The following LIMA1 variants were observed in gnomAD, a reference collection of about 807,000 sequenced individuals.
LIMA1 encodes LIM domain and actin-binding protein 1.
LIMA1 carries 52 observed loss-of-function variants against 62.6 expected under a neutral mutation model. That is an observed-to-expected ratio of 0.83 (90% CI 0.67 to 1.05). LIMA1 has a LOEUF of 1.05. Among genes scored for constraint, LIMA1 ranks in the 50% least tolerant of loss-of-function variants. The pLI is 0.00. For missense variants in LIMA1, 780 were observed against 902.2 expected, an observed-to-expected ratio of 0.86 and a Z score of 1.74; for synonymous variants, 302 against 317.8, an observed-to-expected ratio of 0.95 and a Z score of 0.53.
intron 9 of LIMA1, chr12:50,188,158 A>T (rs556347668): frequency 6.6e-6 from 1 of 152,286 alleles, no homozygotes; most frequent in Non-Finnish European, 1.5e-5. Flanking sequence ...TTGAATCTCT[A>T]CCTTAGATGT....
At chr12:50,259,006 C>T (rs1424757858) in intron 1 of LIMA1, among the ~76,000 whole-genome samples, 1 of 152,154 alleles carries the variant, frequency 6.6e-6, no homozygotes, top group Non-Finnish European at 1.5e-5. Flanking sequence ...TCTAGCATCA[C>T]AAGGTTCATT....
At chr12:50,207,629 C>T (rs1171684096) in intron 4 of LIMA1, among the ~76,000 whole-genome samples, 1 of 152,118 alleles carries the variant, frequency 6.6e-6, no homozygotes, top group Non-Finnish European at 1.5e-5. Flanking sequence ...TGGCTCACAC[C>T]TGTAAAACCA....
intron 1 of LIMA1, among the ~76,000 whole-genome samples, chr12:50,261,042 A>ATATTTTTTTTTTT (rs1383547189): frequency 7.6e-4 from 41 of 54,294 alleles, no homozygotes; most frequent in Admixed American, 2.3e-3. Context: ...CATCTAGTAT[A>ATATTTTTTTTTTT]TTTTTTTTTT....
chr12:50,270,047 C>T (rs1448814849), intron 1 of LIMA1, among the ~76,000 whole-genome samples: 2 of 145,068 alleles, frequency 1.4e-5, no homozygotes, highest in African/African-American at 5.1e-5. Context: ...CCAGCCTGAC[C>T]AACGTGGAGA....
chr12:50,277,443 T>A (rs1335659658), intron 1 of LIMA1, among the ~76,000 whole-genome samples: 2 of 152,156 alleles, frequency 1.3e-5, no homozygotes, highest in Non-Finnish European at 2.9e-5. Context: ...AATTCCAGAA[T>A]GTCTAGTGAA....
intron 1 of LIMA1, among the ~76,000 whole-genome samples, chr12:50,263,131 T>C (rs1358099347): frequency 6.6e-6 from 1 of 152,232 alleles, no homozygotes; most frequent in Admixed American, 6.5e-5. Flanking sequence ...TGAGTTATTC[T>C]CATTCTTTTT....
intron 3 of LIMA1, among the ~76,000 whole-genome samples, chr12:50,223,732 C>T (rs578252675): frequency 4.6e-5 from 7 of 151,996 alleles, no homozygotes; most frequent in South Asian, 4.2e-4. Flanking sequence ...AGAGGAAACA[C>T]GCTTGTTGAA....
intron 6 of LIMA1, chr12:50,201,539 G>A: frequency 1.8e-5 from 18 of 983,652 alleles, no homozygotes; most frequent in Non-Finnish European, 2.1e-5. Flanking sequence ...AAGGATAATT[G>A]CATTTTTTTC....
At chr12:50,217,848 T>C in intron 4 of LIMA1, 1 of 205,090 alleles carries the variant, frequency 4.9e-6, no homozygotes, top group South Asian at 7.2e-5. Flanking sequence ...ACTTCAGAAA[T>C]ATCGCTGACT....
At chr12:50,240,767 C>T (rs1188271473) in intron 2 of LIMA1, among the ~76,000 whole-genome samples, 1 of 152,162 alleles carries the variant, frequency 6.6e-6, no homozygotes, top group Non-Finnish European at 1.5e-5. Flanking sequence ...GCATTTAGAA[C>T]TTGCGTGCCC....
At chr12:50,215,165 T>C (rs1476532091) in intron 4 of LIMA1, among the ~76,000 whole-genome samples, 1 of 152,234 alleles carries the variant, frequency 6.6e-6, no homozygotes, top group Non-Finnish European at 1.5e-5. Flanking sequence ...TCAGCGCATA[T>C]ACACTCTTAT....
In LIMA1 at chr12:50,236,152, C is replaced by A. The variant is rs1429775176; in HGVS notation, c.120-4442G>T. Among the ~76,000 whole-genome samples, 11 of 151,754 alleles carry A rather than the reference C, an allele frequency of 7.2e-5. No homozygotes were observed. The South Asian group carries it at 2.1e-3, about 29-fold the overall frequency. On this transcript the variant is annotated intron_variant, in intron 2 of 10. Transcript: ENST00000341247. ...TGCACTCTGGCCTGGGTGACAGAGCCAGACTCCATCTCAAAAAAAACAAAA... is the reference window on the plus strand; with the variant it reads ...TGCACTCTGGCCTGGGTGACAGAGCAAGACTCCATCTCAAAAAAAACAAAA...
intron 1 of LIMA1, among the ~76,000 whole-genome samples, chr12:50,259,855 T>C (rs1942042901): frequency 6.6e-6 from 1 of 152,166 alleles, no homozygotes; most frequent in Non-Finnish European, 1.5e-5. Context: ...TAATATTTGA[T>C]CTCTTTATCG....
At chr12:50,243,937 C>T (rs1286580336) in intron 2 of LIMA1, among the ~76,000 whole-genome samples, 8 of 151,252 alleles carry the variant, frequency 5.3e-5, no homozygotes, top group African/African-American at 1.5e-4. Context: ...TTTTCTGAGA[C>T]GGAGTCTCAC....
chr12:50,233,901 A>G (rs753960070), intron 2 of LIMA1, among the ~76,000 whole-genome samples: 1 of 152,228 alleles, frequency 6.6e-6, no homozygotes, highest in African/African-American at 2.4e-5. Flanking sequence ...AGGAAAAATT[A>G]TTTTACATAT....
intron 5 of LIMA1, among the ~76,000 whole-genome samples, chr12:50,205,463 T>C (rs1941133980): frequency 6.6e-6 from 1 of 152,160 alleles, no homozygotes; most frequent in African/African-American, 2.4e-5. Context: ...AGGTAGCTGA[T>C]GTTTTCCTGT....
intron 2 of LIMA1, among the ~76,000 whole-genome samples, chr12:50,232,784 C>G (rs983019795): frequency 2.0e-5 from 3 of 152,164 alleles, no homozygotes; most frequent in Non-Finnish European, 4.4e-5. Flanking sequence ...GTCAGGAGTT[C>G]AAGACCAGCC....
intron 8 of LIMA1, among the ~76,000 whole-genome samples, chr12:50,194,735 C>G (rs1488598258): frequency 1.3e-5 from 2 of 151,982 alleles, no homozygotes; most frequent in South Asian, 2.1e-4. Context: ...GACCTTTTCT[C>G]TACAAAAATA....
rs1347708030 is a variant in LIMA1 at position 50,176,989 on chromosome 12, T to A, written c.*75A>T. The A allele has an allele frequency of 2.6e-6, 3 of 1,154,476 alleles. No individual in the cohort carries two copies. Among genetic ancestry groups the A allele is most frequent in the Non-Finnish European group, 3.6e-6 (3 of 838,930 alleles). 71.5% of individuals were successfully genotyped at this position (1,154,476 alleles called of 1,614,324 possible). A position where few individuals can be genotyped will look rare whatever the true frequency, so the allele number is the denominator to read the frequency against. On this transcript the variant is annotated 3_prime_UTR_variant, in exon 11 of 11. Transcript: ENST00000341247. ...TTTCATGCTGGGATACCTGCTTATG[T>A]GCATCACATTTTGACAAAGGGCAGT...
Sources: gnomAD v4.1 joint callset for allele counts (sites outside exome capture counted in the v4.1 genomes callset) on GRCh38, gnomAD v4.1.1 for gene constraint, MANE v1.5 for transcripts, NCBI Gene and HGNC (gene_info 2026-07-23, HGNC 2026-07-21) for gene names.